Variants in NSG1 observed in about 807,000 individuals in gnomAD.
The protein encoded by NSG1 is neuronal vesicle trafficking associated 1.
A neutral mutation model predicts 19.3 loss-of-function variants in NSG1; 9 were observed. That is an observed-to-expected ratio of 0.47 (90% CI 0.28 to 0.81). The LOEUF (loss-of-function observed/expected upper bound fraction) is 0.81, where lower values mean the gene tolerates loss of function less well. Ranked by LOEUF, NSG1 falls within the 40% of genes least tolerant of loss-of-function variation. NSG1 has a pLI of 0.11. For missense variants in NSG1, 236 were observed against 242.4 expected (o/e 0.97, Z 0.18); for synonymous variants, 104 against 107.0 (o/e 0.97, Z 0.17).
At chr4:4,391,771 A>G (rs1723007302) in intron 3 of NSG1, among the ~76,000 whole-genome samples, 180 bp downstream of exon 3, 1 of 152,118 alleles carries the variant, frequency 6.6e-6, no homozygotes, top group Admixed American at 6.5e-5. Flanking sequence ...CTTTTTGTAC[A>G]TTTCTTTTTT....
At chr4:4,416,542 A>G (rs550464940) in intron 4 of NSG1, among the ~76,000 whole-genome samples, 4 of 152,226 alleles carry the variant, frequency 2.6e-5, no homozygotes, top group South Asian at 2.1e-4. Context: ...AAACAGGGAA[A>G]ACGCCCCCGG....
intron 3 of NSG1, among the ~76,000 whole-genome samples, chr4:4,399,199 G>T (rs1723419248): frequency 6.6e-6 from 1 of 152,308 alleles, no homozygotes; most frequent in South Asian, 2.1e-4. Flanking sequence ...CTGGAGTGCA[G>T]TGGTGGGATC....
At chr4:4,414,760 T>G (rs938336353) in intron 4 of NSG1, among the ~76,000 whole-genome samples, 1 of 152,100 alleles carries the variant, frequency 6.6e-6, no homozygotes, top group East Asian at 1.9e-4. Flanking sequence ...CAGCATGTAC[T>G]AAGTACCTCC....
chr4:4,398,306 C>T (rs957876478), intron 3 of NSG1, among the ~76,000 whole-genome samples: 1 of 152,182 alleles, frequency 6.6e-6, no homozygotes, highest in Non-Finnish European at 1.5e-5. Flanking sequence ...AAACTTACCG[C>T]TTTAAGGTAA....
At chr4:4,400,092 A>G (rs1723469616) in intron 3 of NSG1, among the ~76,000 whole-genome samples, 1 of 152,130 alleles carries the variant, frequency 6.6e-6, no homozygotes, top group Non-Finnish European at 1.5e-5. Flanking sequence ...TTCTTCTAAG[A>G]GTTTTATGGC....
intron 4 of NSG1, among the ~76,000 whole-genome samples, chr4:4,412,545 A>G (rs1724269005): frequency 6.6e-6 from 1 of 151,988 alleles, no homozygotes; most frequent in African/African-American, 2.4e-5. Flanking sequence ...GCTGGTCTGT[A>G]TCCAGCTGCC....
rs1724725639 is a variant in NSG1, at chr4:4,418,607, T to G, written c.*1172T>G. 1.3e-5 allele frequency: 2 copies of G among 152,634 alleles called. No individual in the cohort carries two copies. Among genetic ancestry groups the G allele is most frequent in the Admixed American group, 6.5e-5 (1 of 15,284 alleles). 9.5% of individuals were successfully genotyped at this position (152,634 alleles called of 1,614,324 possible). A position where few individuals can be genotyped will look rare whatever the true frequency, so the allele number is the denominator to read the frequency against. ...AGAAAAGACATTCGCAGACATTTCT[T>G]CTATGTTATTGAATGTGTTGTTTCT... On this transcript the variant is annotated 3_prime_UTR_variant, in exon 5 of 5. Transcript: ENST00000621129.
chr4:4,411,738 C>T (rs370700892), intron 4 of NSG1, among the ~76,000 whole-genome samples: 116 of 133,552 alleles, frequency 8.7e-4, no homozygotes, highest in African/African-American at 3.2e-3. Flanking sequence ...AGGGAGACTC[C>T]GTCTAAAAAC....
intron 2 of NSG1, 43 bp from the exon 3 acceptor site, chr4:4,391,432 G>A: frequency 7.3e-7 from 1 of 1,374,714 alleles, no homozygotes; most frequent in South Asian, 1.2e-5. Context: ...GGGCAGATAT[G>A]TCTGAATGCA....
intron 2 of NSG1, among the ~76,000 whole-genome samples, chr4:4,389,652 C>T (rs539603529): frequency 7.2e-5 from 11 of 152,258 alleles, no homozygotes; most frequent in East Asian, 1.9e-4. Flanking sequence ...GTGTTGCTAA[C>T]GGTCAGAGTT....
intron 2 of NSG1, among the ~76,000 whole-genome samples, chr4:4,390,780 G>C (rs1011404093): frequency 3.3e-5 from 5 of 152,208 alleles, no homozygotes; most frequent in African/African-American, 1.2e-4. Context: ...AGTGTCCAGG[G>C]CTGGGAGGCT....
chr4:4,388,127 G>C (rs1274166130), intron 2 of NSG1, among the ~76,000 whole-genome samples: 2 of 141,544 alleles, frequency 1.4e-5, no homozygotes, highest in Admixed American at 7.3e-5. Flanking sequence ...GGGCGGGCGA[G>C]GCTGCCCCTG....
chr4:4,391,640 G>A (rs767081446), intron 3 of NSG1, 49 bp downstream of exon 3: 2 of 1,317,930 alleles, frequency 1.5e-6, no homozygotes, highest in African/African-American at 2.9e-5. Flanking sequence ...CCCAGAAGGG[G>A]TCTGCTGAGC....
At chr4:4,409,477 C>A in intron 3 of NSG1, 96 bp from the exon 4 acceptor site, 1 of 896,270 alleles carries the variant, frequency 1.1e-6, no homozygotes. Flanking sequence ...ATAGTCTCTG[C>A]ACATGCTGTG....
intron 3 of NSG1, among the ~76,000 whole-genome samples, chr4:4,404,841 G>T (rs762138478): frequency 2.6e-5 from 4 of 152,182 alleles, no homozygotes; most frequent in Non-Finnish European, 4.4e-5. Context: ...CCCGATAGAG[G>T]CTGGGATGTT....
At chr4:4,402,368 G>GTTTTTTTTTTTTTTTTTTTTTT (rs1560143233) in intron 3 of NSG1, among the ~76,000 whole-genome samples, 3 of 99,604 alleles carry the variant, frequency 3.0e-5, no homozygotes, top group African/African-American at 1.2e-4. Flanking sequence ...ACCACGCCTG[G>GTTTTTTTTTTTTTTTTTTTTTT]TTATTTTTTT....
chr4:4,413,189 G>T (rs953034220), intron 4 of NSG1, among the ~76,000 whole-genome samples: 1 of 152,004 alleles, frequency 6.6e-6, no homozygotes, highest in African/African-American at 2.4e-5. Flanking sequence ...TCAAATGAAC[G>T]GTGAGGAAGT....
At chr4:4,416,052 C>T in intron 4 of NSG1, 1 of 701,722 alleles carries the variant, frequency 1.4e-6, no homozygotes, top group African/African-American at 1.7e-5. Context: ...TTTCTGTCCA[C>T]ACTGTGACCT....
At chr4:4,392,965 C>T (rs10017278) in intron 3 of NSG1, among the ~76,000 whole-genome samples, 95,064 of 151,834 alleles carry the variant, frequency 0.63, 30,176 homozygotes, top group Admixed American at 0.7. Flanking sequence ...CCAAGACATA[C>T]TGATCCGAGG....
Sources: gnomAD v4.1 joint callset for allele counts (sites outside exome capture counted in the v4.1 genomes callset) on GRCh38, gnomAD v4.1.1 for gene constraint, MANE v1.5 for transcripts, NCBI Gene and HGNC (gene_info 2026-07-23, HGNC 2026-07-21) for gene names.